PCDH7: variants seen among roughly 807,000 people sequenced by gnomAD.
PCDH7 encodes the protein protocadherin 7.
PCDH7 carries 17 observed loss-of-function variants against 58.9 expected under a neutral mutation model. That is an observed-to-expected ratio of 0.29 (90% CI 0.20 to 0.43). The LOEUF (loss-of-function observed/expected upper bound fraction) is 0.43, where lower values mean the gene tolerates loss of function less well. PCDH7 is among the 20% of genes least tolerant of loss of function. The pLI, the probability that PCDH7 is intolerant of heterozygous loss-of-function variation, is 1.00. For synonymous variants in PCDH7, 664 were observed against 616.4 expected (o/e 1.08, Z -1.14); for missense variants, 1,274 against 1,441.0 (o/e 0.88, Z 1.88).
At chr4:31,036,858 T>C (rs904022378) in intron 3 of PCDH7, among the ~76,000 whole-genome samples, 1 of 152,176 alleles carries the variant, frequency 6.6e-6, no homozygotes, top group Non-Finnish European at 1.5e-5. Context: ...CTCACAATTA[T>C]GGTGAAAAGT....
intron 2 of PCDH7, among the ~76,000 whole-genome samples, chr4:30,926,814 C>G (rs1299186509): frequency 1.3e-5 from 2 of 152,016 alleles, no homozygotes; most frequent in Admixed American, 6.6e-5. Context: ...TTTAAGTGTT[C>G]TAGTTGAATG....
chr4:30,747,397 T>C (rs1318701171), intron 1 of PCDH7, among the ~76,000 whole-genome samples: 12 of 152,214 alleles, frequency 7.9e-5, no homozygotes, highest in Admixed American at 7.9e-4. Flanking sequence ...TAAATGGCTC[T>C]TACGGTCAAA....
intron 1 of PCDH7, among the ~76,000 whole-genome samples, chr4:30,907,442 A>G (rs1343322178): frequency 6.6e-6 from 1 of 152,220 alleles, no homozygotes; most frequent in Non-Finnish European, 1.5e-5. Context: ...TGGGCAAAGA[A>G]TATGAACGGA....
At chr4:30,752,320 G>A (rs1195809338) in intron 1 of PCDH7, among the ~76,000 whole-genome samples, 1 of 152,054 alleles carries the variant, frequency 6.6e-6, no homozygotes, top group Non-Finnish European at 1.5e-5. Context: ...TTTTAGTAGA[G>A]ACGGGGTTTC....
At chr4:31,048,691 G>A (rs547734324) in intron 3 of PCDH7, among the ~76,000 whole-genome samples, 86 of 151,726 alleles carry the variant, frequency 5.7e-4, no homozygotes, top group Admixed American at 1.6e-3. Context: ...TCAGGAGAAA[G>A]CATCCCACTA....
chr4:31,146,769 T>C (rs1412450643), downstream of PCDH7: 1 of 152,182 alleles, frequency 6.6e-6, no homozygotes, highest in Non-Finnish European at 1.5e-5. Context: ...TTTTTGTCTC[T>C]GCAAATTAAA....
At chr4:30,898,389 G>C (rs757711196) in intron 1 of PCDH7, among the ~76,000 whole-genome samples, 12 of 152,126 alleles carry the variant, frequency 7.9e-5, no homozygotes, top group South Asian at 2.1e-4. Context: ...CTCCACTTCT[G>C]GTAGATAGTC....
At chr4:30,990,430 T>C (rs968929259) in intron 3 of PCDH7, among the ~76,000 whole-genome samples, 1 of 152,172 alleles carries the variant, frequency 6.6e-6, no homozygotes, top group Non-Finnish European at 1.5e-5. Flanking sequence ...TTTGCATTAA[T>C]ACCTGTAAAT....
At chr4:31,073,739 A>G (rs538901891) in intron 3 of PCDH7, among the ~76,000 whole-genome samples, 39 of 152,282 alleles carry the variant, frequency 2.6e-4, no homozygotes, top group African/African-American at 9.4e-4. Context: ...TGCATACACA[A>G]TTTTATAACA....
intron 1 of PCDH7, among the ~76,000 whole-genome samples, chr4:30,855,565 T>A (rs969771397): frequency 3.3e-5 from 5 of 152,180 alleles, no homozygotes; most frequent in Non-Finnish European, 7.3e-5. Context: ...CTCTGTAACC[T>A]GCTGCTACCA....
intron 2 of PCDH7, among the ~76,000 whole-genome samples, chr4:30,929,995 T>C (rs1036575430): frequency 6.6e-6 from 1 of 152,200 alleles, no homozygotes; most frequent in Non-Finnish European, 1.5e-5. Flanking sequence ...TGAGTATTTA[T>C]TTTATGCAAA....
chr4:31,085,082 A>C (rs967793217), intron 3 of PCDH7, among the ~76,000 whole-genome samples: 7 of 152,150 alleles, frequency 4.6e-5, no homozygotes, highest in Admixed American at 3.3e-4. Context: ...TTATTACTCA[A>C]ATCAGTCTTC....
chr4:30,982,704 AT>A (rs1194601438), intron 3 of PCDH7, among the ~76,000 whole-genome samples: 5 of 151,914 alleles, frequency 3.3e-5, no homozygotes, highest in Non-Finnish European at 2.9e-5. Context: ...ACTTTTGTTG[AT>A]TTTTTTTCCC....
chr4:30,881,935 G>T (rs1464176888), intron 1 of PCDH7, among the ~76,000 whole-genome samples: 1 of 152,116 alleles, frequency 6.6e-6, no homozygotes, highest in Admixed American at 6.6e-5. Flanking sequence ...TAAAGTAACA[G>T]ATAACAACTG....
intron 1 of PCDH7, among the ~76,000 whole-genome samples, chr4:30,835,338 G>A (rs528155910): frequency 2.0e-5 from 3 of 152,122 alleles, no homozygotes; most frequent in East Asian, 1.9e-4. Context: ...CCAGACGAGC[G>A]GTGGCATTAG....
chr4:30,957,693 A>G (rs1481574152), intron 3 of PCDH7, among the ~76,000 whole-genome samples: 1 of 152,128 alleles, frequency 6.6e-6, no homozygotes, highest in African/African-American at 2.4e-5. Flanking sequence ...CTAGTTCTCA[A>G]AAGGACACTG....
intron 1 of PCDH7, among the ~76,000 whole-genome samples, chr4:30,808,999 T>C (rs1195289816): frequency 6.6e-6 from 1 of 152,186 alleles, no homozygotes; most frequent in Non-Finnish European, 1.5e-5. Context: ...TGGCAATTTG[T>C]CCTCAAAAAA....
chr4:30,897,145 C>T (rs1390374887), intron 1 of PCDH7, among the ~76,000 whole-genome samples: 1 of 151,962 alleles, frequency 6.6e-6, no homozygotes. Context: ...ACCTCGTCAT[C>T]CTCCCGCCTC....
At chr4:31,045,917 T>G (rs1756246834) in intron 3 of PCDH7, among the ~76,000 whole-genome samples, 1 of 152,044 alleles carries the variant, frequency 6.6e-6, no homozygotes, top group African/African-American at 2.4e-5. Flanking sequence ...AGTAGCATCC[T>G]CCAGAGGGCA....
Sources: gnomAD v4.1 joint callset for allele counts (sites outside exome capture counted in the v4.1 genomes callset) on GRCh38, gnomAD v4.1.1 for gene constraint, MANE v1.5 for transcripts, NCBI Gene and HGNC (gene_info 2026-07-23, HGNC 2026-07-21) for gene names.